The following SLC14A2 variants were observed in gnomAD, a reference collection of about 807,000 sequenced individuals.
SLC14A2 encodes the protein solute carrier family 14 member 2.
A neutral mutation model predicts 104.6 loss-of-function variants in SLC14A2; 91 were observed. That is an observed-to-expected ratio of 0.87 (90% CI 0.73 to 1.04). SLC14A2 has a LOEUF of 1.04. Ranked by LOEUF, SLC14A2 falls within the 50% of genes least tolerant of loss-of-function variation. The probability of loss-of-function intolerance (pLI) is 0.00; values close to 1 mark genes in which losing one functional copy is unlikely to be tolerated. For synonymous variants in SLC14A2, 476 were observed against 466.4 expected, an observed-to-expected ratio of 1.02 and a Z score of -0.27; for missense variants, 1,189 against 1,156.0, an observed-to-expected ratio of 1.03 and a Z score of -0.41.
intron 1 of SLC14A2, among the ~76,000 whole-genome samples, chr18:45,455,052 T>G (rs1437806378): frequency 1.3e-5 from 2 of 152,212 alleles, no homozygotes; most frequent in African/African-American, 4.8e-5. Flanking sequence ...AGGTCAATGG[T>G]AGCTTAATGG....
intron 2 of SLC14A2, among the ~76,000 whole-genome samples, chr18:45,488,859 T>C (rs565978480): frequency 6.6e-6 from 1 of 152,268 alleles, no homozygotes; most frequent in East Asian, 1.9e-4. Flanking sequence ...ACGTTCTCAC[T>C]CCCTCGGGTC....
chr18:45,582,487 T>C (rs905331075), intron 2 of SLC14A2, among the ~76,000 whole-genome samples: 2 of 151,546 alleles, frequency 1.3e-5, no homozygotes, highest in Admixed American at 1.3e-4. Flanking sequence ...GCCATATCAA[T>C]AAAAAAAAAT....
At chr18:45,671,273 C>T (rs139786725) in intron 16 of SLC14A2, among the ~76,000 whole-genome samples, 1 of 152,198 alleles carries the variant, frequency 6.6e-6, no homozygotes, top group African/African-American at 2.4e-5. Context: ...CCACCACCAC[C>T]ACCACCACCA....
intron 1 of SLC14A2, among the ~76,000 whole-genome samples, chr18:45,426,730 C>CACACACACAT (rs1352896029): frequency 2.7e-4 from 41 of 150,146 alleles, no homozygotes; most frequent in African/African-American, 1.0e-3. Flanking sequence ...CACACACACA[C>CACACACACAT]ACATACATAC....
chr18:45,235,197 A>G (rs1809527875), intron 1 of SLC14A2, among the ~76,000 whole-genome samples: 1 of 152,194 alleles, frequency 6.6e-6, no homozygotes, highest in Non-Finnish European at 1.5e-5. Flanking sequence ...GGAAATTTGC[A>G]TAGGTGCCAA....
chr18:45,546,611 T>C (rs2043973800), intron 2 of SLC14A2, among the ~76,000 whole-genome samples: 1 of 152,178 alleles, frequency 6.6e-6, no homozygotes, highest in African/African-American at 2.4e-5. Flanking sequence ...CCCTGAAAGG[T>C]CAAAGAGCTT....
At chr18:45,399,957 C>A (rs1275251845) in intron 1 of SLC14A2, among the ~76,000 whole-genome samples, 1 of 152,128 alleles carries the variant, frequency 6.6e-6, no homozygotes. Context: ...AATGAACTGT[C>A]TTATCACCAC....
intron 12 of SLC14A2, 106 bp downstream of exon 12, chr18:45,666,325 C>G: frequency 1.4e-6 from 1 of 710,944 alleles, no homozygotes. Context: ...TTTAGGCAAA[C>G]TTTTCTTGCA....
chr18:45,303,746 T>C (rs2084990495), intron 1 of SLC14A2, among the ~76,000 whole-genome samples: 1 of 152,280 alleles, frequency 6.6e-6, no homozygotes, highest in Non-Finnish European at 1.5e-5. Flanking sequence ...ACTGTGCTAC[T>C]TTTGTAAATG....
chr18:45,581,344 A>C (rs2144360687), intron 2 of SLC14A2, among the ~76,000 whole-genome samples: 1 of 152,304 alleles, frequency 6.6e-6, no homozygotes, highest in South Asian at 2.1e-4. Flanking sequence ...CCTAGAGAGC[A>C]ACCCTCTGGG....
chr18:45,572,724 A>C (rs926344204), intron 2 of SLC14A2, among the ~76,000 whole-genome samples: 8 of 152,164 alleles, frequency 5.3e-5, no homozygotes, highest in Admixed American at 3.9e-4. Flanking sequence ...TATACCACTT[A>C]TTGGGGCACT....
intron 1 of SLC14A2, among the ~76,000 whole-genome samples, chr18:45,264,330 C>T (rs1451396868): frequency 1.3e-5 from 2 of 152,202 alleles, no homozygotes; most frequent in Non-Finnish European, 2.9e-5. Flanking sequence ...ACCTGACTCT[C>T]ATTTTCTACA....
At chr18:45,362,196 G>A (rs538073255) in intron 1 of SLC14A2, among the ~76,000 whole-genome samples, 53 of 152,336 alleles carry the variant, frequency 3.5e-4, no homozygotes, top group African/African-American at 1.2e-3. Flanking sequence ...CTTCCACCAC[G>A]ATTGTAAGTT....
In SLC14A2 at chr18:45,394,709, TTTG is replaced by T. The variant is rs201147337; in HGVS notation, c.-124-88511_-124-88509del. 7.1e-3 allele frequency among the ~76,000 whole-genome samples: 1,082 copies of T among 152,230 alleles called. 2 individuals carry two copies. The highest frequency in any genetic ancestry group is 0.012 in the Admixed American group (182 of 15,274). ...TTTTTTAATCTAGTTATTTGGGTTT[TTTG>T]TTGTTGTTGTTGAGTTGTAGGAGTT... is the stretch of plus-strand genomic sequence containing the variant. On this transcript the variant is annotated intron_variant, in intron 1 of 20. Coordinates refer to the SLC14A2 transcript ENST00000586448.
At chr18:45,496,026 C>T (rs1174034342) in intron 2 of SLC14A2, among the ~76,000 whole-genome samples, 1 of 152,198 alleles carries the variant, frequency 6.6e-6, no homozygotes, top group Non-Finnish European at 1.5e-5. Flanking sequence ...GGGGCCAATG[C>T]TTCATGCCTA....
At chr18:45,408,471 C>A (rs748274363) in intron 1 of SLC14A2, among the ~76,000 whole-genome samples, 43 of 152,092 alleles carry the variant, frequency 2.8e-4, no homozygotes, top group African/African-American at 1.0e-3. Flanking sequence ...GAATAGAGTA[C>A]CATGAGATGA....
chr18:45,423,751 A>C (rs1296554722), intron 1 of SLC14A2: 1 of 152,050 alleles, frequency 6.6e-6, no homozygotes, highest in Non-Finnish European at 1.5e-5. Context: ...TAATAGGAAC[A>C]AAAACCCACA....
At chr18:45,351,561 C>T (rs141377303) in intron 1 of SLC14A2, among the ~76,000 whole-genome samples, 54 of 152,208 alleles carry the variant, frequency 3.5e-4, no homozygotes, top group African/African-American at 1.2e-3. Context: ...CACTATGTTG[C>T]CCAGGCTGGT....
intron 10 of SLC14A2, among the ~76,000 whole-genome samples, chr18:45,660,787 TGAAA>T (rs1362287174): frequency 6.6e-6 from 1 of 152,240 alleles, no homozygotes; most frequent in Non-Finnish European, 1.5e-5. Context: ...ATAATCTTCT[TGAAA>T]GTGTCTTTAT....
Sources: gnomAD v4.1 joint callset for allele counts (sites outside exome capture counted in the v4.1 genomes callset) on GRCh38, gnomAD v4.1.1 for gene constraint, MANE v1.5 for transcripts, NCBI Gene and HGNC (gene_info 2026-07-23, HGNC 2026-07-21) for gene names.